Variants in ROR1 observed in about 807,000 individuals in gnomAD.
The protein encoded by ROR1 is inactive tyrosine-protein kinase transmembrane receptor ROR1.
In ROR1, 19 loss-of-function variants were observed where a neutral mutation model predicts 78.8. That is an observed-to-expected ratio of 0.24 (90% CI 0.17 to 0.35). The LOEUF (loss-of-function observed/expected upper bound fraction) is 0.35, where lower values mean the gene tolerates loss of function less well. Among genes scored for constraint, ROR1 ranks in the 10% least tolerant of loss-of-function variants. The pLI, the probability that ROR1 is intolerant of heterozygous loss-of-function variation, is 1.00. For synonymous variants in ROR1, 386 were observed against 433.6 expected, an observed-to-expected ratio of 0.89 and a Z score of 1.36; for missense variants, 917 against 1,177.8, an observed-to-expected ratio of 0.78 and a Z score of 3.24.
At chr1:64,118,945 A>C (rs925518300) in intron 4 of ROR1, among the ~76,000 whole-genome samples, 5 of 152,200 alleles carry the variant, frequency 3.3e-5, no homozygotes, top group African/African-American at 1.2e-4. Context: ...AAATGTTGTC[A>C]TGGTTTGACA....
chr1:63,860,505 G>A (rs1229551204), intron 1 of ROR1, among the ~76,000 whole-genome samples: 2 of 151,438 alleles, frequency 1.3e-5, no homozygotes, highest in African/African-American at 2.4e-5. Flanking sequence ...CAGATCACGA[G>A]GTCAAGAGTT....
At chr1:63,949,964 G>C (rs560561480) in intron 1 of ROR1, among the ~76,000 whole-genome samples, 4 of 152,196 alleles carry the variant, frequency 2.6e-5, no homozygotes, top group Admixed American at 2.0e-4. Flanking sequence ...CCTTCGTTTT[G>C]TAAGTATCTT....
chr1:64,152,837 T>C (rs1406061677), intron 7 of ROR1, among the ~76,000 whole-genome samples: 1 of 152,182 alleles, frequency 6.6e-6, no homozygotes, highest in African/African-American at 2.4e-5. Flanking sequence ...TCCTCAAGCA[T>C]AGCCCTTTAC....
At chr1:63,891,913 C>T (rs1420780702) in intron 1 of ROR1, among the ~76,000 whole-genome samples, 1 of 152,026 alleles carries the variant, frequency 6.6e-6, no homozygotes, top group African/African-American at 2.4e-5. Flanking sequence ...GGCATATTGT[C>T]GGATTGCTCA....
intron 2 of ROR1, among the ~76,000 whole-genome samples, chr1:64,043,187 A>G (rs1025605173): frequency 6.6e-6 from 1 of 152,230 alleles, no homozygotes; most frequent in Admixed American, 6.5e-5. Flanking sequence ...AGATGGGGGC[A>G]CTTTGAAAAT....
At chr1:64,022,183 A>G (rs562382490) in intron 2 of ROR1, among the ~76,000 whole-genome samples, 19 of 152,248 alleles carry the variant, frequency 1.2e-4, no homozygotes, top group Non-Finnish European at 2.6e-4. Context: ...TGAAATATTC[A>G]GAAGAGGTAA....
At chr1:63,836,715 C>T (rs1477335007) in intron 1 of ROR1, among the ~76,000 whole-genome samples, 3 of 152,212 alleles carry the variant, frequency 2.0e-5, no homozygotes, top group African/African-American at 7.2e-5. Flanking sequence ...TAACATTCTG[C>T]ATGTAGCTGC....
chr1:63,898,957 T>A (rs1645463936), intron 1 of ROR1, among the ~76,000 whole-genome samples: 1 of 151,896 alleles, frequency 6.6e-6, no homozygotes, highest in African/African-American at 2.4e-5. Flanking sequence ...AGTTAATAAA[T>A]CTCCTGGAAA....
At chr1:63,779,512 T>C (rs1461743406) in intron 1 of ROR1, among the ~76,000 whole-genome samples, 3 of 151,976 alleles carry the variant, frequency 2.0e-5, no homozygotes, top group African/African-American at 4.8e-5. Flanking sequence ...GAAAGTTCTC[T>C]GGAGTTGAAG....
At chr1:63,849,958 G>A (rs1495192) in intron 1 of ROR1, among the ~76,000 whole-genome samples, 32,156 of 152,056 alleles carry the variant, frequency 0.21, 3,572 homozygotes, top group Middle Eastern at 0.26. Flanking sequence ...AGCTCCCAGT[G>A]TACCCCTCCT....
At chr1:63,949,376 A>G (rs1569960111) in intron 1 of ROR1, among the ~76,000 whole-genome samples, 2 of 152,086 alleles carry the variant, frequency 1.3e-5, no homozygotes, top group Admixed American at 6.5e-5. Context: ...TAATGGGGTA[A>G]GCTTCCATTA....
intron 4 of ROR1, among the ~76,000 whole-genome samples, chr1:64,073,220 A>G (rs1647021644): frequency 6.6e-6 from 1 of 152,096 alleles, no homozygotes. Flanking sequence ...GGGCTAAGAG[A>G]GTGGAAGGTC....
intron 1 of ROR1, among the ~76,000 whole-genome samples, chr1:63,912,375 A>G (rs1645578372): frequency 6.6e-6 from 1 of 151,986 alleles, no homozygotes; most frequent in Non-Finnish European, 1.5e-5. Flanking sequence ...TTGAGGGAAG[A>G]TAAAGTTTAT....
chr1:64,123,339 T>C (rs529893199), intron 4 of ROR1, among the ~76,000 whole-genome samples: 1 of 152,320 alleles, frequency 6.6e-6, no homozygotes, highest in South Asian at 2.1e-4. Flanking sequence ...GTTTTATTCA[T>C]TTTGGCATTT....
chr1:63,948,360 A>G (rs1483868336), intron 1 of ROR1, among the ~76,000 whole-genome samples: 1 of 149,800 alleles, frequency 6.7e-6, no homozygotes, highest in African/African-American at 2.5e-5. Context: ...TTACTGATTT[A>G]CAAACATTTG....
At chr1:64,023,364 A>G (rs1646580891) in intron 2 of ROR1, among the ~76,000 whole-genome samples, 1 of 152,126 alleles carries the variant, frequency 6.6e-6, no homozygotes, top group Non-Finnish European at 1.5e-5. Flanking sequence ...ACCACCTCAG[A>G]ATCCAGCTAA....
intron 4 of ROR1, chr1:64,110,537 C>T (rs1648049962): frequency 6.6e-6 from 1 of 152,002 alleles, no homozygotes; most frequent in Non-Finnish European, 1.5e-5. Context: ...CTTTCTTCTG[C>T]TTGCTTCCTG....
chr1:64,133,498 A>G (rs1648993869), intron 4 of ROR1, among the ~76,000 whole-genome samples: 1 of 152,182 alleles, frequency 6.6e-6, no homozygotes, highest in South Asian at 2.1e-4. Context: ...GAGACCCTGG[A>G]GGTGGATTAC....
intron 1 of ROR1, among the ~76,000 whole-genome samples, chr1:63,872,606 A>G (rs1645259247): frequency 1.3e-5 from 2 of 152,162 alleles, no homozygotes; most frequent in African/African-American, 4.8e-5. Flanking sequence ...AGATTTGTCC[A>G]AGGCCACCCA....
Sources: allele counts gnomAD v4.1 joint callset (sites outside exome capture counted in the v4.1 genomes callset), GRCh38; gene constraint gnomAD v4.1.1; transcripts MANE v1.5; gene names NCBI Gene and HGNC (gene_info 2026-07-23, HGNC 2026-07-21).